Variants in PBX1 observed in about 807,000 individuals in gnomAD.
PBX1 encodes the protein PBX homeobox 1.
In PBX1, 6 loss-of-function variants were observed where a neutral mutation model predicts 53.4. That is an observed-to-expected ratio of 0.11 (90% CI 0.06 to 0.22). The LOEUF (loss-of-function observed/expected upper bound fraction) is 0.22. PBX1 is among the 10% of genes least tolerant of loss of function. The probability of loss-of-function intolerance (pLI) is 1.00; values close to 1 mark genes in which losing one functional copy is unlikely to be tolerated. For synonymous variants in PBX1, 204 were observed against 212.3 expected (o/e 0.96, Z 0.34); for missense variants, 251 against 551.4 (o/e 0.46, Z 5.46).
chr1:164,722,045 AC>A (rs1664442188), intron 2 of PBX1, among the ~76,000 whole-genome samples: 1 of 151,996 alleles, frequency 6.6e-6, no homozygotes, highest in African/African-American at 2.4e-5. Flanking sequence ...TTTATATCTT[AC>A]CCCCTGACCG....
At chr1:164,830,661 T>G (rs1670708557) in intron 8 of PBX1, among the ~76,000 whole-genome samples, 1 of 152,242 alleles carries the variant, frequency 6.6e-6, no homozygotes, top group Non-Finnish European at 1.5e-5. Context: ...GAACTCATCT[T>G]GAACTCTTTC....
chr1:164,605,127 A>G (rs917331919), intron 2 of PBX1: 4 of 152,072 alleles, frequency 2.6e-5, no homozygotes, highest in Non-Finnish European at 5.9e-5. Context: ...TATCCTGGGA[A>G]TGTTTAGGAG....
chr1:164,821,934 T>C (rs1670176412), intron 8 of PBX1, among the ~76,000 whole-genome samples: 1 of 151,660 alleles, frequency 6.6e-6, no homozygotes, highest in Admixed American at 6.6e-5. Flanking sequence ...AGTACAACAG[T>C]GGTAGGAAAT....
At chr1:164,802,807 A>G (rs530311096) in intron 4 of PBX1, among the ~76,000 whole-genome samples, 4 of 152,204 alleles carry the variant, frequency 2.6e-5, no homozygotes, top group African/African-American at 4.8e-5. Context: ...TTATCATATC[A>G]TGCTATATAC....
intron 2 of PBX1, among the ~76,000 whole-genome samples, chr1:164,623,667 C>T (rs1467870345): frequency 6.6e-6 from 1 of 152,166 alleles, no homozygotes; most frequent in Non-Finnish European, 1.5e-5. Flanking sequence ...TCTGTCTATG[C>T]CTTTGTGGCT....
At chr1:164,644,749 G>A (rs903242257) in intron 2 of PBX1, among the ~76,000 whole-genome samples, 6 of 151,976 alleles carry the variant, frequency 3.9e-5, no homozygotes, top group Non-Finnish European at 5.9e-5. Context: ...TGAACTTTGG[G>A]GACTCCAGAC....
intron 6 of PBX1, chr1:164,816,196 G>A (rs928513271): frequency 6.6e-6 from 1 of 152,082 alleles, no homozygotes; most frequent in African/African-American, 2.4e-5. Context: ...CCTATTGAAG[G>A]GTTTTCACAT....
intron 6 of PBX1, chr1:164,816,033 C>T (rs1669866021): frequency 6.6e-6 from 1 of 152,094 alleles, no homozygotes; most frequent in Non-Finnish European, 1.5e-5. Flanking sequence ...CACAGGAATT[C>T]TTATAATTTT....
intron 2 of PBX1, among the ~76,000 whole-genome samples, chr1:164,685,998 T>A (rs1662071001): frequency 1.3e-5 from 2 of 152,074 alleles, no homozygotes; most frequent in African/African-American, 4.8e-5. Context: ...GGCCTTGGAG[T>A]TAGACCTGAG....
intron 2 of PBX1, among the ~76,000 whole-genome samples, chr1:164,738,759 T>G (rs1055917574): frequency 6.6e-6 from 1 of 152,224 alleles, no homozygotes; most frequent in Non-Finnish European, 1.5e-5. Context: ...AAGCTGTCCA[T>G]GCTCAGATGC....
At chr1:164,727,857 T>C (rs1422240637) in intron 2 of PBX1, among the ~76,000 whole-genome samples, 23 of 152,242 alleles carry the variant, frequency 1.5e-4, no homozygotes, top group Admixed American at 1.5e-3. Context: ...TGAAAAGTTA[T>C]CTATCCCTGG....
chr1:164,708,294 A>C (rs1364742937), intron 2 of PBX1, among the ~76,000 whole-genome samples: 1 of 152,176 alleles, frequency 6.6e-6, no homozygotes, highest in African/African-American at 2.4e-5. Context: ...TGAGTGAGAG[A>C]TGGTCATTCC....
At chr1:164,646,448 C>G (rs760193552) in intron 2 of PBX1, among the ~76,000 whole-genome samples, 55 of 152,108 alleles carry the variant, frequency 3.6e-4, no homozygotes, top group Non-Finnish European at 8.8e-5. Flanking sequence ...TAGAGCTTCC[C>G]TTGTAGGCTG....
At chr1:164,676,387 G>A (rs540841529) in intron 2 of PBX1, among the ~76,000 whole-genome samples, 20 of 152,212 alleles carry the variant, frequency 1.3e-4, no homozygotes, top group Admixed American at 2.0e-4. Flanking sequence ...GTGAACCAAG[G>A]TGTGAAAGTA....
intron 2 of PBX1, among the ~76,000 whole-genome samples, chr1:164,733,559 C>T (rs1487736795): frequency 6.6e-6 from 1 of 152,020 alleles, no homozygotes; most frequent in African/African-American, 2.4e-5. Context: ...TCAAACAGTA[C>T]ATTGATGGTA....
intron 2 of PBX1, among the ~76,000 whole-genome samples, chr1:164,737,103 T>C (rs1343138586): frequency 6.6e-6 from 1 of 152,220 alleles, no homozygotes; most frequent in African/African-American, 2.4e-5. Flanking sequence ...CTTCTTGCCT[T>C]GACTTTTAGC....
At chr1:164,712,754 T>G (rs912077182) in intron 2 of PBX1, among the ~76,000 whole-genome samples, 1 of 152,176 alleles carries the variant, frequency 6.6e-6, no homozygotes, top group African/African-American at 2.4e-5. Context: ...GACTGTTTCC[T>G]GGCCTGGTGT....
At chr1:164,587,009 A>G (rs534285475) in intron 2 of PBX1, among the ~76,000 whole-genome samples, 17 of 152,278 alleles carry the variant, frequency 1.1e-4, no homozygotes, top group African/African-American at 4.1e-4. Flanking sequence ...TCTGCGTTGT[A>G]AGGATGTCAT....
chr1:164,739,791 A>G (rs922513632), intron 2 of PBX1, among the ~76,000 whole-genome samples: 61 of 140,600 alleles, frequency 4.3e-4, no homozygotes, highest in Admixed American at 6.4e-4. Flanking sequence ...GTGTGTGTGT[A>G]TGTATATTAT....
Sources: gnomAD v4.1 joint callset for allele counts (sites outside exome capture counted in the v4.1 genomes callset) on GRCh38, gnomAD v4.1.1 for gene constraint, MANE v1.5 for transcripts, NCBI Gene and HGNC (gene_info 2026-07-23, HGNC 2026-07-21) for gene names.